Variants in ASAP1 observed in about 807,000 individuals in gnomAD.
ASAP1 encodes ArfGAP with SH3 domain, ankyrin repeat and PH domain 1, also known as arf-GAP with SH3 domain, ANK repeat and PH domain-containing protein 1.
ASAP1 carries 43 observed loss-of-function variants against 145.2 expected under a neutral mutation model. The ratio of observed to expected loss-of-function variants is 0.30; its 90% CI spans 0.23 to 0.38. The LOEUF (loss-of-function observed/expected upper bound fraction) is 0.38, where lower values mean the gene tolerates loss of function less well. ASAP1 is among the 10% of genes least tolerant of loss of function. The pLI is 1.00. For missense variants in ASAP1, 1,018 were observed against 1,355.3 expected, an observed-to-expected ratio of 0.75 and a Z score of 3.91; for synonymous variants, 546 against 515.5, an observed-to-expected ratio of 1.06 and a Z score of -0.80.
chr8:130,075,314 G>C (rs144382039), intron 27 of ASAP1, among the ~76,000 whole-genome samples: 36 of 152,308 alleles, frequency 2.4e-4, no homozygotes, highest in Middle Eastern at 3.4e-3. Context: ...AGTCATTTGG[G>C]AGTCCCCTCA....
At chr8:130,426,163 G>A (rs915428063) in intron 1 of ASAP1, among the ~76,000 whole-genome samples, 15 of 151,928 alleles carry the variant, frequency 9.9e-5, no homozygotes, top group African/African-American at 2.9e-4. Context: ...AAACTCTCCC[G>A]AGATCCGCTT....
intron 3 of ASAP1, among the ~76,000 whole-genome samples, chr8:130,330,058 T>G (rs116012654): frequency 0.02 from 3,113 of 152,314 alleles, 50 homozygotes; most frequent in East Asian, 0.064. Flanking sequence ...ACAGGACATT[T>G]TCATTACAGC....
chr8:130,261,414 T>A (rs1819889056), intron 3 of ASAP1, among the ~76,000 whole-genome samples: 1 of 152,194 alleles, frequency 6.6e-6, no homozygotes, highest in African/African-American at 2.4e-5. Context: ...AACCACCCAA[T>A]AAATTCCAAC....
intron 2 of ASAP1, among the ~76,000 whole-genome samples, chr8:130,361,515 G>A (rs945218339): frequency 2.6e-5 from 4 of 152,180 alleles, no homozygotes; most frequent in Non-Finnish European, 5.9e-5. Context: ...TGCTGTTTCA[G>A]TTTCATTTGA....
chr8:130,145,352 C>T (rs1336286037), intron 13 of ASAP1, among the ~76,000 whole-genome samples: 1 of 152,172 alleles, frequency 6.6e-6, no homozygotes, highest in African/African-American at 2.4e-5. Context: ...GAGTCTCGCT[C>T]TGTTGCCCAG....
rs1233137874 is a variant in ASAP1 at position 130,187,270 on chromosome 8, A to G, written c.496T>C (p.Phe166Leu). The change falls in exon 7 of 30, where the codon TTT (phenylalanine) becomes CTT (leucine). Residue 166 changes from phenylalanine (F) to leucine (L), a missense_variant. Around this residue, in one of 9 missense-constraint regions of ASAP1, gnomAD observed 78 missense variants for 161.0 expected, o/e 0.48. Transcript: ENST00000518721. ...TCATAATCTTTCCAGGCTTTGTCAA[A>G]TGGCTTCTTGAGATCCTTAGAAACG... ...KGVKGDLKKP[F>L]DKAWKDYETK... is the part of the protein sequence containing the mutation. 6.2e-7 allele frequency: 1 copy of G among 1,610,468 alleles called. No homozygotes were observed. The highest frequency in any genetic ancestry group is 8.5e-7 in the Non-Finnish European group (1 of 1,179,152).
At chr8:130,269,611 T>G (rs746400256) in intron 3 of ASAP1, among the ~76,000 whole-genome samples, 19 of 152,316 alleles carry the variant, frequency 1.2e-4, no homozygotes, top group Admixed American at 5.9e-4. Flanking sequence ...GTAGCAAACC[T>G]AGGTTTTCTA....
rs1449385351 is a variant in ASAP1 at position 130,052,763 on chromosome 8, GTTTAT to G, written c.*1963_*1967del. On this transcript the variant is annotated 3_prime_UTR_variant, in exon 30 of 30. Coordinates refer to ENST00000518721, the MANE Select transcript of ASAP1 (RefSeq NM_018482.4). The stretch of plus-strand genomic sequence containing the variant: ...TTTTTTTTTTTTTTGAAAAAAACCA[GTTTAT>G]TTTGAGATCAGTGAAAAGAGTCTAG... The G allele has an allele frequency of 2.5e-5, 3 of 120,574 alleles. No homozygotes were observed. Among genetic ancestry groups the G allele is most frequent in the Non-Finnish European group, 3.5e-5 (2 of 57,162 alleles). 7.5% of individuals were successfully genotyped at this position (120,574 alleles called of 1,614,324 possible).
chr8:130,432,587 G>C (rs1227449939), intron 1 of ASAP1, among the ~76,000 whole-genome samples: 5 of 152,038 alleles, frequency 3.3e-5, no homozygotes, highest in Non-Finnish European at 7.4e-5. Context: ...GTAGGTGCTT[G>C]GTGTCTCATT....
intron 1 of ASAP1, among the ~76,000 whole-genome samples, chr8:130,406,937 A>G (rs1207784049): frequency 6.6e-6 from 1 of 152,006 alleles, no homozygotes; most frequent in Non-Finnish European, 1.5e-5. Context: ...CTGAAATTCC[A>G]CCTCTTCTAG....
intron 15 of ASAP1, among the ~76,000 whole-genome samples, chr8:130,130,116 C>A (rs1166144115): frequency 6.6e-6 from 1 of 152,184 alleles, no homozygotes; most frequent in Admixed American, 6.5e-5. Flanking sequence ...CAAATACTTA[C>A]AATTTTTAAC....
chr8:130,365,053 T>C (rs1424870691), intron 2 of ASAP1, among the ~76,000 whole-genome samples: 8 of 152,202 alleles, frequency 5.3e-5, no homozygotes, highest in Non-Finnish European at 1.2e-4. Flanking sequence ...CCTGACAGCA[T>C]TCAGGGACTA....
intron 12 of ASAP1, among the ~76,000 whole-genome samples, chr8:130,158,108 A>G (rs1272464742): frequency 6.6e-6 from 1 of 152,206 alleles, no homozygotes; most frequent in East Asian, 1.9e-4. Context: ...AGAAATATTT[A>G]TAATTTTAAC....
chr8:130,085,159 T>C (rs13278110), intron 25 of ASAP1, among the ~76,000 whole-genome samples: 117,813 of 152,046 alleles, frequency 0.77, 45,952 homozygotes, highest in Middle Eastern at 0.86. Flanking sequence ...AAATTGTTAT[T>C]AGGTATTAAT....
At chr8:130,258,707 C>T (rs1028804245) in intron 3 of ASAP1, among the ~76,000 whole-genome samples, 2 of 152,174 alleles carry the variant, frequency 1.3e-5, no homozygotes, top group Non-Finnish European at 2.9e-5. Context: ...AGGTGCTCAA[C>T]AAATAGTACT....
chr8:130,249,682 C>T (rs1819072621), intron 3 of ASAP1, among the ~76,000 whole-genome samples: 1 of 152,098 alleles, frequency 6.6e-6, no homozygotes, highest in Non-Finnish European at 1.5e-5. Flanking sequence ...TGACAAAGAA[C>T]AGTTATTAAT....
At chr8:130,143,341 C>T (rs2097617308) in intron 13 of ASAP1, among the ~76,000 whole-genome samples, 1 of 150,768 alleles carries the variant, frequency 6.6e-6, no homozygotes, top group South Asian at 2.1e-4. Flanking sequence ...TTGTTGGAAT[C>T]TCACTTTCAC....
At chr8:130,438,531 T>C (rs1348097088) in intron 1 of ASAP1, among the ~76,000 whole-genome samples, 1 of 152,142 alleles carries the variant, frequency 6.6e-6, no homozygotes, top group South Asian at 2.1e-4. Context: ...GGGCAGACTC[T>C]GAAGTCAGAG....
At chr8:130,128,859 A>T (rs1052854961) in intron 15 of ASAP1, among the ~76,000 whole-genome samples, 1 of 152,218 alleles carries the variant, frequency 6.6e-6, no homozygotes, top group Non-Finnish European at 1.5e-5. Context: ...ACATTGGATA[A>T]ATGCTCATAA....
Sources: allele counts gnomAD v4.1 joint callset (sites outside exome capture counted in the v4.1 genomes callset), GRCh38; gene constraint gnomAD v4.1.1; regional missense constraint gnomAD v4.1.1; transcripts MANE v1.5; gene names NCBI Gene and HGNC (gene_info 2026-07-23, HGNC 2026-07-21).